The following ELFN2 variants were observed in gnomAD, a reference collection of about 807,000 sequenced individuals.
ELFN2 encodes protein phosphatase 1 regulatory subunit 29.
Under a neutral mutation model 45.5 loss-of-function variants are expected in ELFN2, and 17 were observed. That is an observed-to-expected ratio of 0.37 (90% CI 0.26 to 0.56). The LOEUF is 0.56. ELFN2 is among the 20% of genes least tolerant of loss of function. ELFN2 has a pLI of 0.77. For synonymous variants in ELFN2, 550 were observed against 551.5 expected (o/e 1.00, Z 0.04); for missense variants, 922 against 1,183.2 (o/e 0.78, Z 3.24).
chr22:37,385,909 G>T (rs958024693), intron 2 of ELFN2, among the ~76,000 whole-genome samples: 1 of 152,110 alleles, frequency 6.6e-6, no homozygotes, highest in Non-Finnish European at 1.5e-5. Flanking sequence ...CATTTATTTG[G>T]TCCTAAAAGT....
At chr22:37,361,457 C>T (rs1931085114) in intron 1 of ELFN2, among the ~76,000 whole-genome samples, 1 of 151,974 alleles carries the variant, frequency 6.6e-6, no homozygotes, top group Non-Finnish European at 1.5e-5. Context: ...ATCTCCCCTT[C>T]CACCTCCCCA....
chr22:37,404,038 G>A (rs1261777247), intron 2 of ELFN2, among the ~76,000 whole-genome samples: 13 of 152,234 alleles, frequency 8.5e-5, no homozygotes, highest in African/African-American at 2.4e-4. Context: ...AGGGAACCAC[G>A]TATGTGGTAC....
At position 37,370,579 on chromosome 22, in the gene ELFN2, A is replaced by C. The variant is rs1028863154; in HGVS notation, c.*2493T>G. 2.0e-5 allele frequency: 3 copies of C among 152,320 alleles called. No homozygotes were observed. In the East Asian group the frequency reaches 5.8e-4, roughly 30 times the overall value. The allele number at this position is 152,320 out of a possible 1,614,324, so 9.4% of individuals were successfully genotyped here. A position where few individuals can be genotyped will look rare whatever the true frequency, so the allele number is the denominator to read the frequency against. ...GGGGCTGCCCTCCCTGGCATGGAGG[A>C]GGGGAAGGAACTGGGGACAAGGGAG... On this transcript the variant is annotated 3_prime_UTR_variant, in exon 3 of 3. Coordinates refer to ENST00000402918, the MANE Select transcript of ELFN2 (RefSeq NM_052906.5).
rs1450890851 is a variant in ELFN2, at chr22:37,375,944, CA to C, written c.-411del. ...GAGGCTGGAGAGTGCCGCACTGAGCCAGGAGTGAGAGAGATGGGGGCAGGAA... is the reference window on the plus strand; with the variant it reads ...GAGGCTGGAGAGTGCCGCACTGAGCCGGAGTGAGAGAGATGGGGGCAGGAA... On this transcript the variant is annotated 5_prime_UTR_variant, in exon 3 of 3. It introduces an in-frame stop codon into an upstream open reading frame of the 5' UTR. Coordinates refer to ENST00000402918, the MANE Select transcript of ELFN2 (RefSeq NM_052906.5). 1 of 256,412 alleles carries C rather than the reference CA, an allele frequency of 3.9e-6. No homozygotes were observed. The highest frequency in any genetic ancestry group is 7.9e-6 in the Non-Finnish European group (1 of 126,332). 15.9% of individuals were successfully genotyped at this position (256,412 alleles called of 1,614,324 possible).
At chr22:37,419,534 C>T (rs981246461) in intron 1 of ELFN2, among the ~76,000 whole-genome samples, 2 of 152,056 alleles carry the variant, frequency 1.3e-5, no homozygotes, top group African/African-American at 2.4e-5. Context: ...CGCAGGCCCA[C>T]GCTGGTGCCA....
intron 2 of ELFN2, among the ~76,000 whole-genome samples, chr22:37,376,700 G>A (rs1021741943): frequency 2.0e-5 from 3 of 152,168 alleles, no homozygotes; most frequent in Admixed American, 6.5e-5. Context: ...GTGGGAGGGC[G>A]TGGGGAGACC....
chr22:37,348,406 G>C (rs1322672003), intron 1 of ELFN2, among the ~76,000 whole-genome samples: 2 of 137,614 alleles, frequency 1.5e-5, no homozygotes, highest in Non-Finnish European at 3.4e-5. Context: ...CCTGTGTTAG[G>C]GGGCAGGGAA....
At chr22:37,404,832 T>C (rs1027230658) in intron 2 of ELFN2, among the ~76,000 whole-genome samples, 4 of 152,150 alleles carry the variant, frequency 2.6e-5, no homozygotes, top group African/African-American at 9.7e-5. Context: ...ATGGGATCCT[T>C]GGCAAGTCAC....
intron 1 of ELFN2, among the ~76,000 whole-genome samples, chr22:37,423,842 G>A (rs1257881534): frequency 3.9e-5 from 6 of 152,214 alleles, no homozygotes; most frequent in African/African-American, 2.4e-5. Context: ...CTAGGGGGAA[G>A]GAGAGGGGGC....
chr22:37,365,911 C>CGAGCAT (rs1255180263), downstream of ELFN2, among the ~76,000 whole-genome samples: 1 of 152,048 alleles, frequency 6.6e-6, no homozygotes, highest in East Asian at 1.9e-4. Flanking sequence ...TATCTGAGCA[C>CGAGCAT]GTGTAGCGTT....
At chr22:37,421,741 G>C (rs929986051) in intron 1 of ELFN2, among the ~76,000 whole-genome samples, 2 of 152,224 alleles carry the variant, frequency 1.3e-5, no homozygotes, top group East Asian at 3.8e-4. Flanking sequence ...TAGATGAAAG[G>C]AATTTGTTTA....
At chr22:37,423,132 C>T (rs1480323926) in intron 1 of ELFN2, among the ~76,000 whole-genome samples, 1 of 152,170 alleles carries the variant, frequency 6.6e-6, no homozygotes, top group Non-Finnish European at 1.5e-5. Context: ...TCCCCACTGT[C>T]ACCCGGGGGA....
chr22:37,412,980 G>A (rs1418821571), intron 2 of ELFN2, among the ~76,000 whole-genome samples: 1 of 152,198 alleles, frequency 6.6e-6, no homozygotes, highest in Non-Finnish European at 1.5e-5. Context: ...GGACCTCTGA[G>A]CATAGGTCCA....
rs561585873 is a variant in ELFN2, at chr22:37,394,484, G to A, written c.-462-18488C>T. On this transcript the variant is annotated intron_variant, in intron 2 of 2. Transcript: ENST00000402918. The stretch of plus-strand genomic sequence containing the variant: ...GGCCGCCTGTTCCAGGCTCCCTCCC[G>A]CCCTCCTCCCGGGCAGCCTCACCTC... Among the ~76,000 whole-genome samples, 7 of 152,078 alleles carry A rather than the reference G, an allele frequency of 4.6e-5. No homozygotes were observed. In the East Asian group the frequency reaches 1.2e-3, roughly 25 times the overall value.
At chr22:37,361,312 A>G (rs560707910) in intron 1 of ELFN2, among the ~76,000 whole-genome samples, 1 of 152,182 alleles carries the variant, frequency 6.6e-6, no homozygotes, top group Non-Finnish European at 1.5e-5. Flanking sequence ...CCAAATGTAA[A>G]GTGACTTTCT....
intron 1 of ELFN2, among the ~76,000 whole-genome samples, chr22:37,356,320 C>T (rs985463444): frequency 6.6e-6 from 1 of 152,212 alleles, no homozygotes; most frequent in Admixed American, 6.5e-5. Flanking sequence ...GTGGGCTGAA[C>T]ACCCCAGAGG....
At chr22:37,348,450 G>A (rs866085692) in intron 1 of ELFN2, among the ~76,000 whole-genome samples, 13 of 141,700 alleles carry the variant, frequency 9.2e-5, no homozygotes, top group African/African-American at 2.9e-4. Flanking sequence ...GAAAGGAGGA[G>A]AAACGAGGCT....
chr22:37,383,324 C>T (rs943217684), intron 2 of ELFN2, among the ~76,000 whole-genome samples: 1 of 152,238 alleles, frequency 6.6e-6, no homozygotes, highest in African/African-American at 2.4e-5. Context: ...CCTTCACACA[C>T]ACGGCCAGGC....
Position 37,371,376 on chromosome 22 carries a change from G to C in ELFN2, c.*1696C>G, listed in dbSNP as rs561950549. On this transcript the variant is annotated 3_prime_UTR_variant, in exon 3 of 3. Transcript: ENST00000402918. The surrounding 1 kb of genome is among the most constrained non-coding windows in gnomAD (Gnocchi z 6.4). ...TGGGGGTCTCTGGCAGGGGCGTGGG[G>C]AGAGCCGGGGCCCCCCAAGCTGAGG... 5.1e-4 allele frequency: 77 copies of C among 152,414 alleles called. No individual in the cohort carries two copies. The highest frequency in any genetic ancestry group is 4.7e-3 in the Admixed American group (72 of 15,304). The allele number at this position is 152,414 out of a possible 1,614,324, so 9.4% of individuals were successfully genotyped here.
Sources: gnomAD v4.1 joint callset for allele counts (sites outside exome capture counted in the v4.1 genomes callset) on GRCh38, gnomAD v4.1.1 for gene constraint, Gnocchi (gnomAD v3.1) non-coding constraint, MANE v1.5 for transcripts, NCBI Gene and HGNC (gene_info 2026-07-23, HGNC 2026-07-21) for gene names.